PTCHD4: variants seen among roughly 807,000 people sequenced by gnomAD.
The protein encoded by PTCHD4 is patched domain-containing protein 4.
In PTCHD4, 33 loss-of-function variants were observed where a neutral mutation model predicts 58.1. The observed-to-expected ratio is 0.57, with a 90% CI of 0.43 to 0.76. The LOEUF (loss-of-function observed/expected upper bound fraction) is 0.76. PTCHD4 is among the 30% of genes least tolerant of loss of function. The pLI is 0.00. For synonymous variants in PTCHD4, 478 were observed against 409.6 expected, an observed-to-expected ratio of 1.17 and a Z score of -2.02; for missense variants, 1,058 against 1,027.1, an observed-to-expected ratio of 1.03 and a Z score of -0.41.
chr6:47,976,438 A>C (rs1280555498), intron 4 of PTCHD4, among the ~76,000 whole-genome samples: 1 of 152,078 alleles, frequency 6.6e-6, no homozygotes, highest in Non-Finnish European at 1.5e-5. Flanking sequence ...GTGGATGATG[A>C]GGTCAGGAGT....
intron 4 of PTCHD4, among the ~76,000 whole-genome samples, chr6:47,974,834 C>A (rs1035417974): frequency 3.9e-5 from 6 of 152,248 alleles, no homozygotes; most frequent in African/African-American, 1.4e-4. Flanking sequence ...ACAATAGATA[C>A]AAAAATATCA....
At chr6:48,042,206 C>G (rs1763872493) in intron 3 of PTCHD4, among the ~76,000 whole-genome samples, 1 of 151,970 alleles carries the variant, frequency 6.6e-6, no homozygotes, top group East Asian at 1.9e-4. Flanking sequence ...CCTTTGGCTT[C>G]CTGTCACCAC....
intron 4 of PTCHD4, among the ~76,000 whole-genome samples, chr6:47,998,757 G>T (rs1481885360): frequency 1.3e-5 from 2 of 152,078 alleles, no homozygotes; most frequent in Non-Finnish European, 2.9e-5. Context: ...CCTTTAAAAG[G>T]TCTAGCAAAA....
At chr6:47,940,191 A>G (rs1766158571) in intron 4 of PTCHD4, among the ~76,000 whole-genome samples, 1 of 152,130 alleles carries the variant, frequency 6.6e-6, no homozygotes, top group African/African-American at 2.4e-5. Flanking sequence ...GACCACAAAG[A>G]CAATAAAAAA....
At position 48,069,734 on chromosome 6, in the gene PTCHD4, T is replaced by C. The variant is rs986275672; in HGVS notation, c.-777A>G. Among the ~76,000 whole-genome samples the C allele has an allele frequency of 8.5e-5, 13 of 152,182 alleles. No homozygotes were observed. The highest frequency in any genetic ancestry group is 2.9e-4 in the African/African-American group (12 of 41,438). ...AGGCAATATGAGGTTTCTCATAACATGTTACATTCACTTTCTGTATTCTTG... is the reference window on the plus strand; with the variant it reads ...AGGCAATATGAGGTTTCTCATAACACGTTACATTCACTTTCTGTATTCTTG... On this transcript the variant is annotated 5_prime_UTR_variant, in exon 2 of 5. The change abolishes an upstream ATG in the 5' untranslated region. Coordinates refer to ENST00000339488, the MANE Select transcript of PTCHD4 (RefSeq NM_001384253.1).
intron 3 of PTCHD4, among the ~76,000 whole-genome samples, chr6:48,062,457 AC>A (rs1005386493): frequency 6.6e-6 from 1 of 151,874 alleles, no homozygotes; most frequent in African/African-American, 2.4e-5. Context: ...TTCTATCCCC[AC>A]CCCCCACTTT....
intron 3 of PTCHD4, among the ~76,000 whole-genome samples, chr6:48,037,195 G>C (rs1763670211): frequency 6.6e-6 from 1 of 152,026 alleles, no homozygotes; most frequent in African/African-American, 2.4e-5. Flanking sequence ...GAGAGAGAGA[G>C]CATATTATCA....
rs889230875 is a variant in PTCHD4, at chr6:47,869,483, T to A, written c.*8820A>T. 1.3e-5 allele frequency among the ~76,000 whole-genome samples: 2 copies of A among 151,734 alleles called. No homozygotes were observed. The highest frequency in any genetic ancestry group is 4.8e-5 in the African/African-American group (2 of 41,380). On this transcript the variant is annotated 3_prime_UTR_variant, in exon 5 of 5. Coordinates refer to ENST00000339488, the MANE Select transcript of PTCHD4 (RefSeq NM_001384253.1). ...TATTTGACCCGATTATAAATTGCTGTAGATTTGAAGGTAACATAATTATTA... is the reference window on the plus strand; with the variant it reads ...TATTTGACCCGATTATAAATTGCTGAAGATTTGAAGGTAACATAATTATTA...
intron 4 of PTCHD4, among the ~76,000 whole-genome samples, chr6:48,007,317 T>G (rs1410726455): frequency 2.0e-5 from 3 of 152,112 alleles, no homozygotes; most frequent in African/African-American, 7.2e-5. Flanking sequence ...AATAGATAAA[T>G]AAGTTAGATC....
chr6:47,937,056 G>A (rs1043727517), intron 4 of PTCHD4, among the ~76,000 whole-genome samples: 2 of 152,204 alleles, frequency 1.3e-5, no homozygotes, highest in Non-Finnish European at 2.9e-5. Context: ...GCAACAGAAG[G>A]AATCGTAAGA....
chr6:48,066,844 C>G (rs1052125231), intron 3 of PTCHD4, among the ~76,000 whole-genome samples: 1 of 150,172 alleles, frequency 6.7e-6, no homozygotes, highest in Non-Finnish European at 1.5e-5. Flanking sequence ...TGAAGAATCT[C>G]TAGTTTCTAA....
At chr6:48,051,279 C>A (rs1764224429) in intron 3 of PTCHD4, among the ~76,000 whole-genome samples, 2 of 151,864 alleles carry the variant, frequency 1.3e-5, no homozygotes, top group South Asian at 4.1e-4. Flanking sequence ...TCAGGTATTA[C>A]CCAAAACAAA....
At chr6:48,105,310 G>A (rs534407944) in intron 1 of PTCHD4, among the ~76,000 whole-genome samples, 2 of 152,070 alleles carry the variant, frequency 1.3e-5, no homozygotes, top group South Asian at 2.1e-4. Context: ...ACTCAAAACT[G>A]CTCAACTACA....
intron 1 of PTCHD4, among the ~76,000 whole-genome samples, chr6:48,072,545 G>A (rs757899932): frequency 1.3e-5 from 2 of 152,090 alleles, no homozygotes; most frequent in East Asian, 1.9e-4. Context: ...TCTCCAAGCA[G>A]CCTTTGTTTT....
At position 48,063,018 on chromosome 6, in the gene PTCHD4, A is replaced by G. The variant is rs546361841; in HGVS notation, c.417+5212T>C. ...TAACCAGTACAGAAACCTAGGTCTC[A>G]TAGAACTCAGGTCTCCTGAATATTT... On this transcript the variant is annotated intron_variant, in intron 3 of 4. Coordinates refer to ENST00000339488, the MANE Select transcript of PTCHD4 (RefSeq NM_001384253.1). Among the ~76,000 whole-genome samples the G allele has an allele frequency of 1.8e-4, 28 of 152,272 alleles. No individual in the cohort carries two copies. The South Asian group carries it at 5.6e-3, about 30-fold the overall frequency.
In PTCHD4 at chr6:47,928,611, G is replaced by T. The variant is rs16876834; in HGVS notation, c.899-48675C>A. ...TTCCTTATGTACTCCCAACCATGAA[G>T]AATTGATCTGTCTTTGTTATAGCAC... On this transcript the variant is annotated intron_variant, in intron 4 of 4. Transcript: ENST00000339488. 4.1e-3 allele frequency among the ~76,000 whole-genome samples: 623 copies of T among 152,276 alleles called. 1 individual carries two copies. Among genetic ancestry groups the T allele is most frequent in the African/African-American group, 0.014 (602 of 41,564 alleles).
rs1763488891 is a variant in PTCHD4 at position 47,863,808 on chromosome 6, C to T, written c.*14495G>A. On this transcript the variant is annotated 3_prime_UTR_variant, in exon 5 of 5. Coordinates refer to ENST00000339488, the MANE Select transcript of PTCHD4 (RefSeq NM_001384253.1). ...AAATTTTCTTCATGAAAAGACTGTC[C>T]AGAGCAACTTATTACAAATAGAGAT... Among the ~76,000 whole-genome samples, 1 of 151,900 alleles carries T rather than the reference C, an allele frequency of 6.6e-6. No individual in the cohort carries two copies. Among genetic ancestry groups the T allele is most frequent in the African/African-American group, 2.4e-5 (1 of 41,398 alleles).
intron 3 of PTCHD4, among the ~76,000 whole-genome samples, chr6:48,033,704 T>C (rs1456168423): frequency 6.6e-6 from 1 of 152,076 alleles, no homozygotes; most frequent in Non-Finnish European, 1.5e-5. Context: ...GGCAGGTGGA[T>C]GAAATTCAGG....
chr6:48,022,992 T>A (rs1400472063), intron 3 of PTCHD4, among the ~76,000 whole-genome samples: 1 of 152,186 alleles, frequency 6.6e-6, no homozygotes, highest in Non-Finnish European at 1.5e-5. Flanking sequence ...CACTTACAAA[T>A]ACTTGCCTGA....
Sources: allele counts gnomAD v4.1 joint callset (sites outside exome capture counted in the v4.1 genomes callset), GRCh38; gene constraint gnomAD v4.1.1; transcripts MANE v1.5; gene names NCBI Gene and HGNC (gene_info 2026-07-23, HGNC 2026-07-21).